WDFY3: variants seen among roughly 807,000 people sequenced by gnomAD.
The protein encoded by WDFY3 is WD repeat and FYVE domain-containing protein 3.
A neutral mutation model predicts 409.6 loss-of-function variants in WDFY3; 66 were observed. The observed-to-expected ratio is 0.16, with a 90% CI of 0.13 to 0.20. The LOEUF (loss-of-function observed/expected upper bound fraction) is 0.20, where lower values mean the gene tolerates loss of function less well. WDFY3 is among the 10% of genes least tolerant of loss of function. WDFY3 has a pLI of 1.00. For synonymous variants in WDFY3, 1,521 were observed against 1,537.1 expected (o/e 0.99, Z 0.25); for missense variants, 3,031 against 4,298.1 (o/e 0.71, Z 8.24).
chr4:84,829,645 A>G (rs865846732), intron 8 of WDFY3, among the ~76,000 whole-genome samples: 4 of 151,894 alleles, frequency 2.6e-5, no homozygotes, highest in African/African-American at 7.3e-5. Flanking sequence ...TGTCTCTACT[A>G]AAAATACAAA....
intron 46 of WDFY3, among the ~76,000 whole-genome samples, chr4:84,723,106 A>C (rs1735097489): frequency 6.6e-6 from 1 of 152,242 alleles, no homozygotes; most frequent in Non-Finnish European, 1.5e-5. Flanking sequence ...AACTCTGTGA[A>C]TTATACCTTG....
chr4:84,808,731 G>A (rs1751954911), intron 14 of WDFY3: 1 of 193,424 alleles, frequency 5.2e-6, no homozygotes. Flanking sequence ...GGGAAAAGAG[G>A]TTGAATCTGA....
At chr4:84,908,947 G>C (rs1425976511) in intron 2 of WDFY3, among the ~76,000 whole-genome samples, 2 of 151,926 alleles carry the variant, frequency 1.3e-5, no homozygotes, top group East Asian at 3.9e-4. Context: ...TGCATCTAAA[G>C]CAAGGAAAAA....
chr4:84,717,898 A>G (rs1291459526), intron 48 of WDFY3, among the ~76,000 whole-genome samples: 1 of 151,870 alleles, frequency 6.6e-6, no homozygotes, highest in Non-Finnish European at 1.5e-5. Flanking sequence ...AATACAAAAA[A>G]TTAGCCTGGC....
chr4:84,908,927 C>G (rs1174324046), intron 2 of WDFY3, among the ~76,000 whole-genome samples: 1 of 152,080 alleles, frequency 6.6e-6, no homozygotes, highest in African/African-American at 2.4e-5. Context: ...ATTCCTAGCA[C>G]TAAGCCCACT....
chr4:84,709,670 C>G (rs904085986), intron 51 of WDFY3, among the ~76,000 whole-genome samples: 6 of 152,190 alleles, frequency 3.9e-5, no homozygotes, highest in African/African-American at 1.4e-4. Flanking sequence ...ATTTTTTACT[C>G]TAGGTCATAT....
chr4:84,941,868 A>T (rs1171715690), intron 1 of WDFY3, among the ~76,000 whole-genome samples: 3 of 152,110 alleles, frequency 2.0e-5, no homozygotes, highest in Non-Finnish European at 1.5e-5. Context: ...AGATACACAC[A>T]AACATGGTCA....
intron 2 of WDFY3, among the ~76,000 whole-genome samples, chr4:84,913,811 G>GCCTGCCTCT (rs1341412628): frequency 2.0e-5 from 3 of 150,372 alleles, no homozygotes; most frequent in East Asian, 3.9e-4. Flanking sequence ...CACCAAGTGT[G>GCCTGCCTCT]CCTGCCTCTC....
intron 3 of WDFY3, among the ~76,000 whole-genome samples, chr4:84,861,450 T>C (rs1760618478): frequency 6.6e-6 from 1 of 152,162 alleles, no homozygotes; most frequent in Non-Finnish European, 1.5e-5. Context: ...TAGTGTATCT[T>C]ATAGATTAAA....
At chr4:84,743,968 A>G (rs922749632) in intron 36 of WDFY3, among the ~76,000 whole-genome samples, 169 bp from the exon 37 acceptor site, 1 of 151,408 alleles carries the variant, frequency 6.6e-6, no homozygotes, top group Admixed American at 6.6e-5. Context: ...TCTTTCACGT[A>G]TTTTCTGACT....
intron 65 of WDFY3, among the ~76,000 whole-genome samples, chr4:84,678,614 T>C (rs1261420001): frequency 6.6e-6 from 1 of 152,264 alleles, no homozygotes; most frequent in Non-Finnish European, 1.5e-5. Context: ...TTTTATTTAT[T>C]CATTTTTAAT....
chr4:84,690,605 G>A lies in WDFY3; in HGVS notation c.9264C>T (p.Pro3088=). 3 of 1,614,098 alleles carry A rather than the reference G, an allele frequency of 1.9e-6. No individual in the cohort carries two copies. Among genetic ancestry groups the A allele is most frequent in the Non-Finnish European group, 2.5e-6 (3 of 1,180,018 alleles). The change falls in exon 61 of 68, where the codon CCC becomes CCT. Residue 3088 remains proline, a synonymous_variant. Coordinates refer to ENST00000295888, the MANE Select transcript of WDFY3 (RefSeq NM_014991.6). ...EWGQILCAIC[P]NPKLVITGGT... ...CACCCGTGATGACCAGCTTGGGGTT[G>A]GGGCAGATTGCACAGAGAATCTGGC...
At chr4:84,940,977 G>T (rs1321493470) in intron 1 of WDFY3, among the ~76,000 whole-genome samples, 3 of 151,876 alleles carry the variant, frequency 2.0e-5, no homozygotes, top group African/African-American at 7.3e-5. Flanking sequence ...ATCTATTAAT[G>T]ATAAAAGCTC....
chr4:84,803,093 T>G (rs1279828794), intron 16 of WDFY3, among the ~76,000 whole-genome samples, 197 bp downstream of exon 16: 1 of 152,202 alleles, frequency 6.6e-6, no homozygotes, highest in Non-Finnish European at 1.5e-5. Context: ...AATGAATGAA[T>G]TAGATTCTAA....
At chr4:84,684,215 C>T in intron 62 of WDFY3, 90 bp from the exon 63 acceptor site, 1 of 1,327,064 alleles carries the variant, frequency 7.5e-7, no homozygotes. Flanking sequence ...GCCTAGTTCT[C>T]AGAAAGCCTT....
Position 84,672,779 on chromosome 4 carries a change from CGGAGA to C in WDFY3, c.*84_*88del. The C allele has an allele frequency of 1.3e-6, 2 of 1,548,538 alleles. No individual in the cohort carries two copies. Among genetic ancestry groups the C allele is most frequent in the Non-Finnish European group, 1.7e-6 (2 of 1,144,352 alleles). On this transcript the variant is annotated 3_prime_UTR_variant, in exon 68 of 68. Transcript: ENST00000295888. ...CACGTGGTATGAAGAGATGTGTAAA[CGGAGA>C]CTGTTTTCAATGCCTTCCAAGCTGG...
chr4:84,706,379 T>C (rs924477935), intron 53 of WDFY3, among the ~76,000 whole-genome samples: 4 of 152,162 alleles, frequency 2.6e-5, no homozygotes, highest in African/African-American at 7.2e-5. Context: ...TTCTGGTTAA[T>C]TCAACAAATG....
At chr4:84,881,133 T>C (rs1763478020) in intron 3 of WDFY3, among the ~76,000 whole-genome samples, 1 of 152,136 alleles carries the variant, frequency 6.6e-6, no homozygotes, top group African/African-American at 2.4e-5. Flanking sequence ...TGTTCAAGAT[T>C]TGTAATTTTT....
At chr4:84,687,072 T>C (rs1275347612) in intron 62 of WDFY3, among the ~76,000 whole-genome samples, 11 of 152,244 alleles carry the variant, frequency 7.2e-5, no homozygotes, top group Admixed American at 6.5e-4. Context: ...CTTGTTTGGG[T>C]ACCCAAATGT....
Sources: gnomAD v4.1 joint callset for allele counts (sites outside exome capture counted in the v4.1 genomes callset) on GRCh38, gnomAD v4.1.1 for gene constraint, MANE v1.5 for transcripts, NCBI Gene and HGNC (gene_info 2026-07-23, HGNC 2026-07-21) for gene names.